The following RAB44 variants were observed in gnomAD, a reference collection of about 807,000 sequenced individuals.
RAB44 encodes ras-related protein Rab-44.
A neutral mutation model predicts 93.3 loss-of-function variants in RAB44; 67 were observed. That is an observed-to-expected ratio of 0.72 (90% CI 0.59 to 0.88). The LOEUF is 0.88. RAB44 is among the 40% of genes least tolerant of loss of function. The pLI, the probability that RAB44 is intolerant of heterozygous loss-of-function variation, is 0.00. For synonymous variants in RAB44, 427 were observed against 520.3 expected (o/e 0.82, Z 2.44); for missense variants, 1,064 against 1,261.7 (o/e 0.84, Z 2.37).
chr6:36,719,341 C>T (rs984495929), intron 7 of RAB44, among the ~76,000 whole-genome samples: 9 of 152,216 alleles, frequency 5.9e-5, no homozygotes, highest in African/African-American at 1.9e-4. Flanking sequence ...CCTTGGAAAT[C>T]GAGGCAGGCC....
intron 12 of RAB44, among the ~76,000 whole-genome samples, chr6:36,730,052 G>T (rs765279266): frequency 1.3e-5 from 2 of 152,166 alleles, no homozygotes; most frequent in South Asian, 4.1e-4. Context: ...ATATTTAAGG[G>T]TGTGGGGGAA....
At chr6:36,724,526 A>T (rs1763184434) in intron 9 of RAB44, among the ~76,000 whole-genome samples, 4 of 152,158 alleles carry the variant, frequency 2.6e-5, no homozygotes, top group Admixed American at 2.6e-4. Flanking sequence ...CATCTTCCAT[A>T]CATGTCTTAT....
Position 36,715,630 on chromosome 6 carries a change from G to A in RAB44, c.471G>A (p.Leu157=). 1 of 1,536,162 alleles carries A rather than the reference G, an allele frequency of 6.5e-7. No individual in the cohort carries two copies. The highest frequency in any genetic ancestry group is 1.2e-5 in the South Asian group (1 of 84,066). The change falls in exon 4 of 14, where the codon CTG becomes CTA. Residue 157 remains leucine (L), a synonymous_variant. Transcript: ENST00000612677. ...KEAFLAFMEQ[L]GTGHLLPKQM... ...CGTTCCTTGCCTTCATGGAGCAGCT[G>A]GGGACTGGACACTTACTTCCCAAGT...
chr6:36,705,080 C>T (rs1041547207), intron 2 of RAB44, among the ~76,000 whole-genome samples: 2 of 145,760 alleles, frequency 1.4e-5, no homozygotes, highest in Non-Finnish European at 3.0e-5. Flanking sequence ...AAGATCACAC[C>T]ACTACACTCC....
chr6:36,728,180 G>C (rs1763282081), intron 11 of RAB44, among the ~76,000 whole-genome samples: 1 of 152,174 alleles, frequency 6.6e-6, no homozygotes, highest in Non-Finnish European at 1.5e-5. Context: ...TGTGAAGAGG[G>C]GAGCTGAGCA....
Position 36,722,400 on chromosome 6 carries a change from G to A in RAB44, c.2266G>A (p.Ala756Thr). 1.4e-6 allele frequency: 2 copies of A among 1,399,796 alleles called. No individual in the cohort carries two copies. The highest frequency in any genetic ancestry group is 1.9e-6 in the Non-Finnish European group (2 of 1,079,900). 86.7% of individuals were successfully genotyped at this position (1,399,796 alleles called of 1,614,324 possible). The change falls in exon 9 of 14, where the codon GCA (alanine) becomes ACA (threonine). Residue 756 changes from alanine (A) to threonine (T), a missense_variant. Physicochemically the swap from Ala to Thr is moderately conservative, Grantham distance 58. Coordinates refer to ENST00000612677, the MANE Select transcript of RAB44 (RefSeq NM_001257357.2). The stretch of plus-strand genomic sequence containing the variant: ...CAGGGGGGCTCAGCCTGGGGCTGGA[G>A]CAGGACCCCAGGAACCCACGCAAAC... ...PPRGAQPGAG[A>T]GPQEPTQTPP... is the part of the protein sequence containing the mutation.
At chr6:36,720,668 T>A in intron 8 of RAB44, 118 bp downstream of exon 8, 1 of 787,932 alleles carries the variant, frequency 1.3e-6, no homozygotes, top group Non-Finnish European at 1.7e-6. Flanking sequence ...ACTCCTTCCT[T>A]AAACCCCACC....
intron 1 of RAB44, among the ~76,000 whole-genome samples, chr6:36,702,782 C>A (rs1490881172): frequency 6.6e-6 from 1 of 152,214 alleles, no homozygotes; most frequent in Non-Finnish European, 1.5e-5. Flanking sequence ...CCCTTTCAAA[C>A]CACAGCCTCT....
intron 1 of RAB44, among the ~76,000 whole-genome samples, chr6:36,702,327 AG>A (rs1762530619): frequency 1.2e-5 from 1 of 82,094 alleles, no homozygotes; most frequent in African/African-American, 4.7e-5. Flanking sequence ...AGAGAGAGAG[AG>A]AGAGAGAGAG....
At chr6:36,718,767 C>G (rs1406022153) in intron 7 of RAB44, among the ~76,000 whole-genome samples, 179 bp downstream of exon 7, 1 of 152,158 alleles carries the variant, frequency 6.6e-6, no homozygotes, top group Non-Finnish European at 1.5e-5. Context: ...TGCTTTGTGC[C>G]TCAGTTGTTC....
rs1463995831 is a variant in RAB44 at position 36,731,238 on chromosome 6, C to T, written c.2975+489C>T. Among the ~76,000 whole-genome samples, 1 of 152,030 alleles carries T rather than the reference C, an allele frequency of 6.6e-6. No individual in the cohort carries two copies. Among genetic ancestry groups the T allele is most frequent in the Non-Finnish European group, 1.5e-5 (1 of 68,010 alleles). On this transcript the variant is annotated intron_variant, in intron 13 of 13. Transcript: ENST00000612677. The surrounding 1 kb of genome is among the most constrained non-coding windows in gnomAD (Gnocchi z 4.0). ...TTGCCAAGTTCCAGCCACTCAGAGA[C>T]TCCCTCCCTGATCACCCACCTGCCA... is the stretch of plus-strand genomic sequence containing the variant.
intron 1 of RAB44, among the ~76,000 whole-genome samples, chr6:36,699,288 G>A (rs6457941): frequency 0.39 from 59,764 of 151,906 alleles, 11,760 homozygotes; most frequent in South Asian, 0.43. Flanking sequence ...AGCTTGGCTA[G>A]GAACTCCCAG....
chr6:36,726,056 CA>C, intron 10 of RAB44, 113 bp downstream of exon 10: 5 of 789,424 alleles, frequency 6.3e-6, no homozygotes. Flanking sequence ...CCCAAGGATT[CA>C]GGAGGTCAGG....
At chr6:36,703,617 T>C (rs1762564013) in intron 1 of RAB44, among the ~76,000 whole-genome samples, 1 of 151,914 alleles carries the variant, frequency 6.6e-6, no homozygotes, top group African/African-American at 2.4e-5. Flanking sequence ...CCATGTCACG[T>C]GGGGCCCTAA....
chr6:36,699,387 G>A (rs952202227), intron 1 of RAB44, among the ~76,000 whole-genome samples: 21 of 152,128 alleles, frequency 1.4e-4, no homozygotes, highest in African/African-American at 4.3e-4. Flanking sequence ...GTGGGAGCCC[G>A]GCAGGCTGCG....
At chr6:36,698,653 C>T (rs762396043) in intron 1 of RAB44, among the ~76,000 whole-genome samples, 6 of 152,038 alleles carry the variant, frequency 3.9e-5, no homozygotes, top group East Asian at 1.9e-4. Context: ...CTCTTAAGGA[C>T]GTGAGGCATG....
chr6:36,730,859 G>A (rs1219209718), intron 13 of RAB44, 110 bp downstream of exon 13: 5 of 494,358 alleles, frequency 1.0e-5, no homozygotes, highest in East Asian at 7.1e-5. Flanking sequence ...CCCATTCTGA[G>A]GAAATGGGTC....
chr6:36,728,297 G>C (rs1401218144), intron 11 of RAB44, among the ~76,000 whole-genome samples: 1 of 152,172 alleles, frequency 6.6e-6, no homozygotes, highest in African/African-American at 2.4e-5. Flanking sequence ...TCTCTCATAG[G>C]GGAGTTGTGA....
chr6:36,716,331 G>A (rs1354218481), intron 4 of RAB44, among the ~76,000 whole-genome samples: 1 of 151,996 alleles, frequency 6.6e-6, no homozygotes, highest in East Asian at 1.9e-4. Flanking sequence ...TTAGCCGGGC[G>A]TGGTGGCACA....
Sources: allele counts gnomAD v4.1 joint callset (sites outside exome capture counted in the v4.1 genomes callset), GRCh38; gene constraint gnomAD v4.1.1; non-coding constraint Gnocchi (gnomAD v3.1); transcripts MANE v1.5; gene names NCBI Gene and HGNC (gene_info 2026-07-23, HGNC 2026-07-21).